Variants in NUP160 observed in about 807,000 individuals in gnomAD.
The protein encoded by NUP160 is nucleoporin 160.
In NUP160, 94 loss-of-function variants were observed where a neutral mutation model predicts 196.9. That is an observed-to-expected ratio of 0.48 (90% CI 0.40 to 0.57). The LOEUF (loss-of-function observed/expected upper bound fraction) is 0.57. Ranked by LOEUF, NUP160 falls within the 20% of genes least tolerant of loss-of-function variation. The pLI, the probability that NUP160 is intolerant of heterozygous loss-of-function variation, is 0.00. For missense variants in NUP160, 1,638 were observed against 1,748.3 expected (o/e 0.94, Z 1.13); for synonymous variants, 605 against 619.7 (o/e 0.98, Z 0.35).
chr11:47,835,681 C>T (rs200828591), exon 7 of NUP160: 4 of 1,599,038 alleles, frequency 2.5e-6, no homozygotes, highest in Middle Eastern at 1.7e-4. Flanking sequence ...GCATGTATAT[C>T]CCCAGGTAGA....
At chr11:47,790,732 C>G (rs1341097418) in intron 29 of NUP160, among the ~76,000 whole-genome samples, 1 of 152,134 alleles carries the variant, frequency 6.6e-6, no homozygotes, top group Non-Finnish European at 1.5e-5. Flanking sequence ...GCAGCCTAGG[C>G]AACACAGTGA....
At chr11:47,818,948 T>A (rs1208949031) in intron 10 of NUP160, among the ~76,000 whole-genome samples, 1 of 152,184 alleles carries the variant, frequency 6.6e-6, no homozygotes, top group East Asian at 1.9e-4. Context: ...AAGCCCATAA[T>A]CTTTAATGTC....
intron 4 of NUP160, 147 bp downstream of exon 4, chr11:47,839,696 C>G (rs1221525958): frequency 1.4e-6 from 1 of 699,066 alleles, no homozygotes; most frequent in East Asian, 2.5e-5. Flanking sequence ...AAAAGTAAAG[C>G]ATTAGGGACT....
intron 7 of NUP160, among the ~76,000 whole-genome samples, chr11:47,831,842 C>CAAAAAAAAAAAAAAAAAAAAAAAAAA (rs372159602): frequency 1.5e-5 from 1 of 66,666 alleles, no homozygotes; most frequent in African/African-American, 7.1e-5. Flanking sequence ...GACTCTCTCT[C>CAAAAAAAAAAAAAAAAAAAAAAAAAA]AAAAAAAAAA....
intron 2 of NUP160, among the ~76,000 whole-genome samples, chr11:47,847,472 G>T (rs1260261514): frequency 2.0e-5 from 3 of 151,982 alleles, no homozygotes; most frequent in African/African-American, 7.3e-5. Flanking sequence ...TTTCGTCCTG[G>T]TACCTAGCAC....
intron 7 of NUP160, among the ~76,000 whole-genome samples, chr11:47,824,016 T>TAC (rs1851914923): frequency 2.2e-4 from 10 of 45,216 alleles, no homozygotes; most frequent in Admixed American, 1.1e-3. Context: ...TGCATATATA[T>TAC]ATATATATAT....
At chr11:47,788,645 A>T in intron 29 of NUP160, 34 bp from the exon 30 acceptor site, 1 of 1,353,302 alleles carries the variant, frequency 7.4e-7, no homozygotes, top group Non-Finnish European at 1.1e-6. Context: ...TGAACTCCCA[A>T]AATACAAAGA....
At chr11:47,809,480 G>A (rs2097679771) in intron 17 of NUP160, among the ~76,000 whole-genome samples, 1 of 152,056 alleles carries the variant, frequency 6.6e-6, no homozygotes, top group African/African-American at 2.4e-5. Flanking sequence ...CAGGCACGGT[G>A]GTTGACACCT....
At chr11:47,788,555 C>A in exon 30 of NUP160, 1 of 1,614,044 alleles carries the variant, frequency 6.2e-7, no homozygotes, top group Non-Finnish European at 8.5e-7. Flanking sequence ...CGGATGCGAG[C>A]CAAGGAACAC....
At position 47,839,851 on chromosome 11, in the gene NUP160, T is replaced by C. The variant is rs200665743; in HGVS notation, c.740A>G (p.Asp247Gly). The stretch of plus-strand genomic sequence containing the variant: ...TCAGTTCCCATTCTTACCAGGTATG[T>C]CATAAGGAGGTAGCTTAAGAACAAA... The change falls in exon 4 of 36, where the codon GAC becomes GGC. Residue 247 changes from aspartate to glycine, a missense_variant. By Grantham distance (94) the Asp-to-Gly change is moderately conservative. This residue lies in a region of NUP160 where 1,345 missense variants were observed against 1,470.2 expected (regional missense o/e 0.91). Transcript: ENST00000378460. 156 of 1,612,534 alleles carry C rather than the reference T, an allele frequency of 9.7e-5. No homozygotes were observed. The highest frequency in any genetic ancestry group is 1.6e-4 in the Middle Eastern group (1 of 6,084).
chr11:47,830,325 A>G (rs1852048240), intron 7 of NUP160, among the ~76,000 whole-genome samples: 1 of 152,230 alleles, frequency 6.6e-6, no homozygotes, highest in Non-Finnish European at 1.5e-5. Context: ...AACTAAAAAC[A>G]GAACTACCAT....
intron 4 of NUP160, among the ~76,000 whole-genome samples, 181 bp from the exon 5 acceptor site, chr11:47,837,804 A>C (rs1471275140): frequency 6.6e-6 from 1 of 152,222 alleles, no homozygotes; most frequent in Non-Finnish European, 1.5e-5. Context: ...TCATTATTAG[A>C]TCCATAAAAA....
chr11:47,803,859 T>C (rs988544279), intron 21 of NUP160, among the ~76,000 whole-genome samples: 2 of 152,138 alleles, frequency 1.3e-5, no homozygotes, highest in African/African-American at 4.8e-5. Context: ...TGAATTACTA[T>C]GAAGAAAACC....
chr11:47,809,496 C>A (rs1358828695), intron 17 of NUP160, among the ~76,000 whole-genome samples: 4 of 151,848 alleles, frequency 2.6e-5, no homozygotes, highest in Non-Finnish European at 5.9e-5. Flanking sequence ...CACCTGTAAT[C>A]CCAGCACTTT....
chr11:47,841,472 A>G, intron 2 of NUP160: 1 of 404,654 alleles, frequency 2.5e-6, no homozygotes, highest in Non-Finnish European at 4.8e-6. Context: ...AAGGTAGTGA[A>G]CCTGCAGTAC....
Position 47,837,541 on chromosome 11 carries a change from T to G in NUP160, c.827+4A>C. Reference sequence around the variant, plus strand: ...CTTTGATTTACCTGCCAGACACCACTCACCTGATAGCTGTTGGCATCCAGC... The same window carrying G: ...CTTTGATTTACCTGCCAGACACCACGCACCTGATAGCTGTTGGCATCCAGC... On this transcript the variant is annotated splice_donor_region_variant and intron_variant, in intron 5 of 35. Transcript: ENST00000378460. The G allele has an allele frequency of 6.2e-7, 1 of 1,613,064 alleles. No individual in the cohort carries two copies.
intron 2 of NUP160, among the ~76,000 whole-genome samples, chr11:47,844,369 A>C (rs1484133308): frequency 6.6e-6 from 1 of 152,164 alleles, no homozygotes; most frequent in Non-Finnish European, 1.5e-5. Context: ...TCTTACTCAG[A>C]GCAAAAGCCA....
intron 7 of NUP160, among the ~76,000 whole-genome samples, chr11:47,834,401 T>C (rs1323375685): frequency 1.3e-5 from 2 of 152,180 alleles, no homozygotes; most frequent in South Asian, 2.1e-4. Context: ...TGGATAGGTA[T>C]GTTCAAATAG....
At chr11:47,847,916 G>A in exon 2 of NUP160, 1 of 1,614,072 alleles carries the variant, frequency 6.2e-7, no homozygotes, top group South Asian at 1.1e-5. Context: ...AGCCTCCCGC[G>A]CTTTCACTGT....
Sources: allele counts gnomAD v4.1 joint callset (sites outside exome capture counted in the v4.1 genomes callset), GRCh38; gene constraint gnomAD v4.1.1; regional missense constraint gnomAD v4.1.1; transcripts MANE v1.5; gene names NCBI Gene and HGNC (gene_info 2026-07-23, HGNC 2026-07-21).